THSD7A: variants seen among roughly 807,000 people sequenced by gnomAD.
THSD7A encodes thrombospondin type-1 domain-containing protein 7A.
Under a neutral mutation model 231.3 loss-of-function variants are expected in THSD7A, and 96 were observed. The observed-to-expected ratio is 0.41, with a 90% CI of 0.35 to 0.49. THSD7A has a LOEUF of 0.49. Among genes scored for constraint, THSD7A ranks in the 20% least tolerant of loss-of-function variants. THSD7A has a pLI of 0.05. For missense variants in THSD7A, 2,290 were observed against 2,070.2 expected, an observed-to-expected ratio of 1.11 and a Z score of -2.06; for synonymous variants, 940 against 743.3, an observed-to-expected ratio of 1.26 and a Z score of -4.30.
chr7:11,483,003 T>G (rs1400292914), intron 6 of THSD7A, among the ~76,000 whole-genome samples: 1 of 152,142 alleles, frequency 6.6e-6, no homozygotes, highest in Non-Finnish European at 1.5e-5. Flanking sequence ...CAGAACAGAA[T>G]GAAATCATAC....
At position 11,630,152 on chromosome 7, in the gene THSD7A, G is replaced by A. The variant is rs553394718; in HGVS notation, c.1022+5978C>T. ...ATTCAAGTTTGATATCACCATTCTG[G>A]AAAGCAATCCTAAAACAGAAGTTTG... is the stretch of plus-strand genomic sequence containing the variant. On this transcript the variant is annotated intron_variant, in intron 2 of 27. Coordinates refer to ENST00000423059, the MANE Select transcript of THSD7A (RefSeq NM_015204.3). Among the ~76,000 whole-genome samples, 11 of 152,222 alleles carry A rather than the reference G, an allele frequency of 7.2e-5. No homozygotes were observed. The East Asian group carries it at 2.1e-3, about 29-fold the overall frequency.
chr7:11,729,065 T>A (rs907792021), intron 1 of THSD7A, among the ~76,000 whole-genome samples: 2 of 151,728 alleles, frequency 1.3e-5, no homozygotes, highest in African/African-American at 4.8e-5. Context: ...TGAAATGATA[T>A]CTAGACAACA....
In THSD7A at chr7:11,673,972, T is replaced by C. The variant is rs1584189668; in HGVS notation, c.191-37011A>G. Among the ~76,000 whole-genome samples the C allele has an allele frequency of 2.0e-5, 3 of 151,970 alleles. No individual in the cohort carries two copies. The East Asian group carries it at 5.9e-4, about 30-fold the overall frequency. Reference sequence around the variant, plus strand: ...TTGCGTACACGTGGCCACTGCCCTGTCCAGGGATCTTCGAACTCTGAGCCA... The same window carrying C: ...TTGCGTACACGTGGCCACTGCCCTGCCCAGGGATCTTCGAACTCTGAGCCA... On this transcript the variant is annotated intron_variant, in intron 1 of 27. Transcript: ENST00000423059.
At chr7:11,827,706 C>T (rs1785072533) in intron 1 of THSD7A, among the ~76,000 whole-genome samples, 1 of 152,144 alleles carries the variant, frequency 6.6e-6, no homozygotes. Flanking sequence ...ATGCTTACAT[C>T]TTCAGCCTAA....
chr7:11,491,447 C>G (rs1036609112), intron 6 of THSD7A, among the ~76,000 whole-genome samples: 1 of 151,940 alleles, frequency 6.6e-6, no homozygotes, highest in African/African-American at 2.4e-5. Flanking sequence ...TTAACATGAA[C>G]TTTTCAAAAC....
chr7:11,401,655 G>T, intron 23 of THSD7A, 140 bp downstream of exon 23: 1 of 685,502 alleles, frequency 1.5e-6, no homozygotes, highest in Non-Finnish European at 2.2e-6. Flanking sequence ...CAGGTGATCC[G>T]CCCACCTAGG....
intron 1 of THSD7A, among the ~76,000 whole-genome samples, chr7:11,748,786 T>C (rs769946413): frequency 6.6e-6 from 1 of 151,926 alleles, no homozygotes; most frequent in Non-Finnish European, 1.5e-5. Context: ...AATAGGGCAA[T>C]AGTGATATAC....
intron 2 of THSD7A, among the ~76,000 whole-genome samples, chr7:11,633,022 C>T (rs957107471): frequency 3.9e-5 from 6 of 152,128 alleles, no homozygotes; most frequent in African/African-American, 1.4e-4. Context: ...ACTCTTTTCA[C>T]CACCAAATAT....
chr7:11,649,553 G>A (rs551593523), intron 1 of THSD7A, among the ~76,000 whole-genome samples: 13 of 152,104 alleles, frequency 8.5e-5, no homozygotes, highest in Non-Finnish European at 8.8e-5. Flanking sequence ...CCAGCAGCTG[G>A]AAGGACGATG....
chr7:11,511,496 A>G (rs137949350), intron 6 of THSD7A, among the ~76,000 whole-genome samples: 18,147 of 152,224 alleles, frequency 0.12, 1,139 homozygotes, highest in Middle Eastern at 0.16. Flanking sequence ...AGCCAAAAGA[A>G]CAAAGCTGGA....
At chr7:11,383,336 A>C (rs1255269637) in intron 23 of THSD7A, among the ~76,000 whole-genome samples, 1 of 152,024 alleles carries the variant, frequency 6.6e-6, no homozygotes, top group East Asian at 1.9e-4. Flanking sequence ...ATTCCATTGT[A>C]CTACATAACA....
chr7:11,412,692 T>G lies in THSD7A; in HGVS notation c.3646A>C (p.Asn1216His). 1 of 1,613,834 alleles carries G rather than the reference T, an allele frequency of 6.2e-7. No individual in the cohort carries two copies. Among genetic ancestry groups the G allele is most frequent in the Non-Finnish European group, 8.5e-7 (1 of 1,179,826 alleles). ...NAVEKEPCNLNKNCYHYDYNV... is the reference protein window; with the variant it reads ...NAVEKEPCNLHKNCYHYDYNV... ...TAATCATAGTGGTAGCAGTTTTTGT[T>G]CAGGTTACAGGGTTCTTTCTCAACA... The change falls in exon 18 of 28, where the codon AAC becomes CAC. Residue 1216 changes from asparagine to histidine, a missense_variant. By Grantham distance (68) the Asn-to-His change is moderately conservative. Transcript: ENST00000423059.
intron 4 of THSD7A, among the ~76,000 whole-genome samples, chr7:11,570,951 T>C (rs1790601919): frequency 6.6e-6 from 1 of 152,138 alleles, no homozygotes; most frequent in Non-Finnish European, 1.5e-5. Context: ...TATTCTTATT[T>C]TGGGGTTATT....
At chr7:11,425,159 G>A (rs544897179) in intron 15 of THSD7A, among the ~76,000 whole-genome samples, 19 of 152,182 alleles carry the variant, frequency 1.2e-4, no homozygotes, top group African/African-American at 4.6e-4. Flanking sequence ...TTACAGTTTT[G>A]TGTGACTTCA....
intron 1 of THSD7A, among the ~76,000 whole-genome samples, chr7:11,733,408 C>A (rs1781803202): frequency 6.6e-6 from 1 of 151,758 alleles, no homozygotes; most frequent in South Asian, 2.1e-4. Context: ...CAGAAAATAT[C>A]TATGCATAAG....
chr7:11,775,596 T>C (rs934360418), intron 1 of THSD7A, among the ~76,000 whole-genome samples: 4 of 152,202 alleles, frequency 2.6e-5, no homozygotes, highest in Admixed American at 6.5e-5. Flanking sequence ...GGATAAATGC[T>C]GACTGCATGA....
chr7:11,412,889 A>G (rs965959600), intron 17 of THSD7A, 89 bp from the exon 18 acceptor site: 1 of 1,450,116 alleles, frequency 6.9e-7, no homozygotes, highest in Non-Finnish European at 9.3e-7. Context: ...AGGAGTTAGA[A>G]CATTTGGGCC....
intron 1 of THSD7A, among the ~76,000 whole-genome samples, chr7:11,693,414 C>T (rs116340316): frequency 0.016 from 2,499 of 151,540 alleles, 73 homozygotes; most frequent in African/African-American, 0.057. Flanking sequence ...ATAACATACG[C>T]TGTCTACAAA....
intron 1 of THSD7A, chr7:11,821,098 A>G: frequency 1.9e-6 from 2 of 1,034,636 alleles, no homozygotes; most frequent in South Asian, 1.3e-5. Context: ...ATTGTCCTGT[A>G]ACTTGTTTTT....
Sources: gnomAD v4.1 joint callset for allele counts (sites outside exome capture counted in the v4.1 genomes callset) on GRCh38, gnomAD v4.1.1 for gene constraint, MANE v1.5 for transcripts, NCBI Gene and HGNC (gene_info 2026-07-23, HGNC 2026-07-21) for gene names.